Variants in GLIS1 observed in about 807,000 individuals in gnomAD.
The protein encoded by GLIS1 is GLIS family zinc finger 1.
In GLIS1, 24 loss-of-function variants were observed where a neutral mutation model predicts 63.8. The observed-to-expected ratio is 0.38, with a 90% CI of 0.27 to 0.53. The LOEUF (loss-of-function observed/expected upper bound fraction) is 0.53. Among genes scored for constraint, GLIS1 ranks in the 20% least tolerant of loss-of-function variants. The probability of loss-of-function intolerance (pLI) is 0.85; values close to 1 mark genes in which losing one functional copy is unlikely to be tolerated. For missense variants in GLIS1, 1,036 were observed against 1,074.1 expected, an observed-to-expected ratio of 0.96 and a Z score of 0.50; for synonymous variants, 450 against 482.5, an observed-to-expected ratio of 0.93 and a Z score of 0.88.
intron 2 of GLIS1, among the ~76,000 whole-genome samples, chr1:53,728,680 C>A (rs1055688671): frequency 6.6e-6 from 1 of 152,070 alleles, no homozygotes; most frequent in African/African-American, 2.4e-5. Flanking sequence ...TCCACTTGTT[C>A]CAAAAATGAT....
chr1:53,594,693 T>C lies in GLIS1; in HGVS notation c.735A>G (p.Leu245=), dbSNP rs1322857907. 1.3e-6 allele frequency: 2 copies of C among 1,549,032 alleles called. No homozygotes were observed. Among genetic ancestry groups the C allele is most frequent in the South Asian group, 1.2e-5 (1 of 80,776 alleles). Residue 245 remains leucine (L), a synonymous_variant, in exon 4 of 11, where the codon CTA becomes CTG. Transcript: ENST00000628545. ...GSLKRCCVLG[L]PPTSPASSSP... is the part of the protein sequence containing the mutation. ...AGGAGGAGGCTGGGGAGGTGGGGGGTAGGCCCAAGACGCAGCACCGCTTCA... is the reference window on the plus strand; with the variant it reads ...AGGAGGAGGCTGGGGAGGTGGGGGGCAGGCCCAAGACGCAGCACCGCTTCA...
At chr1:53,507,945 T>C (rs1036233993) in intron 10 of GLIS1, among the ~76,000 whole-genome samples, 1 of 152,198 alleles carries the variant, frequency 6.6e-6, no homozygotes, top group Admixed American at 6.5e-5. Flanking sequence ...CCGTCTTCCA[T>C]GTGAGCCCCA....
Position 53,526,958 on chromosome 1 carries a change from G to A in GLIS1, c.1483-2071C>T, listed in dbSNP as rs980781857. 5.3e-5 allele frequency among the ~76,000 whole-genome samples: 8 copies of A among 152,220 alleles called. No individual in the cohort carries two copies. The highest frequency in any genetic ancestry group is 8.8e-5 in the Non-Finnish European group (6 of 68,046). ...CCTCTGTCTGTAATGAGGACGCTCC[G>A]GGTGAGTCTGCCGTGCGGAGCCCCT... On this transcript the variant is annotated intron_variant, in intron 5 of 10. Transcript: ENST00000628545. This position sits in a 1 kb window ranked among gnomAD's most constrained non-coding sequence, Gnocchi z 4.4.
At chr1:53,633,098 TGA>T (rs1645682961) in intron 2 of GLIS1, among the ~76,000 whole-genome samples, 1 of 113,058 alleles carries the variant, frequency 8.8e-6, no homozygotes, top group Admixed American at 9.1e-5. Flanking sequence ...TGAGTGTGAC[TGA>T]GGGGTGTGTG....
In GLIS1 at chr1:53,539,020, C is replaced by T. The variant is rs1274218353; in HGVS notation, c.1321-9068G>A. Among the ~76,000 whole-genome samples, 1 of 152,050 alleles carries T rather than the reference C, an allele frequency of 6.6e-6. No homozygotes were observed. The highest frequency in any genetic ancestry group is 2.4e-5 in the African/African-American group (1 of 41,362). ...GTGGGATCCAGGGGCTCTCCCAGTG[C>T]AGAGCTGTGGCTAGACATCGTCTGG... On this transcript the variant is annotated intron_variant, in intron 4 of 10. Coordinates refer to ENST00000628545, the MANE Select transcript of GLIS1 (RefSeq NM_001367484.1). This position sits in a 1 kb window ranked among gnomAD's most constrained non-coding sequence, Gnocchi z 5.0.
At chr1:53,655,225 G>A (rs1645951855) in intron 2 of GLIS1, among the ~76,000 whole-genome samples, 1 of 152,144 alleles carries the variant, frequency 6.6e-6, no homozygotes, top group African/African-American at 2.4e-5. Flanking sequence ...AAAACCTCCT[G>A]TAACCCCCCA....
At chr1:53,693,008 C>A (rs1646423681) in intron 2 of GLIS1, among the ~76,000 whole-genome samples, 1 of 152,276 alleles carries the variant, frequency 6.6e-6, no homozygotes, top group East Asian at 1.9e-4. Context: ...TCCATCTTTT[C>A]TGAAGGAAGG....
At chr1:53,608,111 G>A (rs1645390306) in intron 2 of GLIS1, among the ~76,000 whole-genome samples, 1 of 152,104 alleles carries the variant, frequency 6.6e-6, no homozygotes, top group Admixed American at 6.5e-5. Context: ...GACTACAGAT[G>A]TGTACCACCA....
chr1:53,571,244 T>G (rs1398714028), intron 4 of GLIS1, among the ~76,000 whole-genome samples: 1 of 152,228 alleles, frequency 6.6e-6, no homozygotes, highest in Non-Finnish European at 1.5e-5. Flanking sequence ...CATAGTTACA[T>G]AACATTTTTG....
intron 7 of GLIS1, among the ~76,000 whole-genome samples, chr1:53,518,604 A>T (rs971705881): frequency 1.3e-5 from 2 of 152,196 alleles, no homozygotes; most frequent in African/African-American, 2.4e-5. Context: ...CTGGGAGGGA[A>T]AGTGAGGCTC....
chr1:53,713,505 G>C (rs1184741387), intron 2 of GLIS1, among the ~76,000 whole-genome samples: 1 of 110,740 alleles, frequency 9.0e-6, no homozygotes, highest in Non-Finnish European at 1.9e-5. Flanking sequence ...GTGAGCCCCT[G>C]TCTCTTCAAG....
At chr1:53,616,142 A>G (rs528455863) in intron 2 of GLIS1, among the ~76,000 whole-genome samples, 1 of 152,302 alleles carries the variant, frequency 6.6e-6, no homozygotes, top group African/African-American at 2.4e-5. Flanking sequence ...TTCTGAAGTT[A>G]TAAAATTCCA....
At chr1:53,711,815 G>A (rs1160120174) in intron 2 of GLIS1, among the ~76,000 whole-genome samples, 3 of 152,242 alleles carry the variant, frequency 2.0e-5, no homozygotes, top group Admixed American at 1.3e-4. Context: ...TGGGTTTGGA[G>A]TCTAGTCCCT....
chr1:53,640,196 G>T (rs1645770914), intron 2 of GLIS1, among the ~76,000 whole-genome samples: 1 of 152,158 alleles, frequency 6.6e-6, no homozygotes, highest in Admixed American at 6.5e-5. Flanking sequence ...CACTGAGCCA[G>T]CTAGCTCCCC....
intron 2 of GLIS1, among the ~76,000 whole-genome samples, chr1:53,705,994 CAGA>C (rs1391748267): frequency 2.0e-5 from 3 of 152,210 alleles, no homozygotes; most frequent in Admixed American, 1.3e-4. Flanking sequence ...GCTCTGGAAT[CAGA>C]AGGACTGGAT....
intron 2 of GLIS1, among the ~76,000 whole-genome samples, chr1:53,642,122 C>T (rs568088740): frequency 5.9e-4 from 90 of 152,388 alleles, no homozygotes; most frequent in Middle Eastern, 6.8e-3. Context: ...CCAGGCCACA[C>T]CTACCCTGAT....
In GLIS1 at chr1:53,598,411, T is replaced by A. The variant is rs917045366; in HGVS notation, c.437+1690A>T. ...TTAGCCAGGCGTGGTGGCACACGCC[T>A]GTAGTCTCAGCTGCTGGAGTGGCTG... On this transcript the variant is annotated intron_variant, in intron 3 of 10. Transcript: ENST00000628545. The surrounding 1 kb of genome is among the most constrained non-coding windows in gnomAD (Gnocchi z 4.6). Among the ~76,000 whole-genome samples the A allele has an allele frequency of 1.3e-5, 2 of 152,090 alleles. No homozygotes were observed. Among genetic ancestry groups the A allele is most frequent in the African/African-American group, 4.8e-5 (2 of 41,420 alleles).
intron 2 of GLIS1, among the ~76,000 whole-genome samples, chr1:53,619,103 CT>C (rs1254234210): frequency 6.6e-6 from 1 of 152,242 alleles, no homozygotes; most frequent in East Asian, 1.9e-4. Flanking sequence ...ACCTCTGCCT[CT>C]CCCTCCTCTG....
At chr1:53,726,044 AG>A (rs759073629) in intron 2 of GLIS1, among the ~76,000 whole-genome samples, 83 of 152,332 alleles carry the variant, frequency 5.4e-4, no homozygotes, top group Admixed American at 9.1e-4. Context: ...TTCATGGGGA[AG>A]GGAAAAATGA....
Sources: gnomAD v4.1 joint callset for allele counts (sites outside exome capture counted in the v4.1 genomes callset) on GRCh38, gnomAD v4.1.1 for gene constraint, Gnocchi (gnomAD v3.1) non-coding constraint, MANE v1.5 for transcripts, NCBI Gene and HGNC (gene_info 2026-07-23, HGNC 2026-07-21) for gene names.